MAGI1: variants seen among roughly 807,000 people sequenced by gnomAD.
The protein encoded by MAGI1 is membrane associated guanylate kinase, WW and PDZ domain containing 1, also known as membrane-associated guanylate kinase, WW and PDZ domain-containing protein 1.
A neutral mutation model predicts 139.9 loss-of-function variants in MAGI1; 58 were observed. The ratio of observed to expected loss-of-function variants is 0.41; its 90% CI spans 0.34 to 0.52. The LOEUF (loss-of-function observed/expected upper bound fraction) is 0.52. Ranked by LOEUF, MAGI1 falls within the 20% of genes least tolerant of loss-of-function variation. The pLI is 0.12. For missense variants in MAGI1, 1,874 were observed against 1,901.6 expected (o/e 0.99, Z 0.27); for synonymous variants, 812 against 737.9 (o/e 1.10, Z -1.63).
intron 1 of MAGI1, among the ~76,000 whole-genome samples, chr3:65,982,856 GGCTTA>G (rs2107287970): frequency 6.6e-6 from 1 of 152,210 alleles, no homozygotes; most frequent in Admixed American, 6.5e-5. Context: ...CACAAGTCCT[GGCTTA>G]CTTCAAAAAA....
At chr3:66,023,009 A>G (rs2068042798) in intron 1 of MAGI1, among the ~76,000 whole-genome samples, 1 of 152,294 alleles carries the variant, frequency 6.6e-6, no homozygotes, top group African/African-American at 2.4e-5. Flanking sequence ...ATCCTTGAGC[A>G]TTTTATAGTA....
At chr3:65,523,610 AT>A (rs1341455196) in intron 2 of MAGI1, among the ~76,000 whole-genome samples, 1 of 152,180 alleles carries the variant, frequency 6.6e-6, no homozygotes, top group Non-Finnish European at 1.5e-5. Flanking sequence ...AGTGTTAGAT[AT>A]TGCACAGATT....
chr3:65,725,191 A>T (rs1334799398), intron 1 of MAGI1, among the ~76,000 whole-genome samples: 1 of 152,206 alleles, frequency 6.6e-6, no homozygotes, highest in African/African-American at 2.4e-5. Context: ...ATTCAATTGA[A>T]GTAGGACAGT....
At chr3:65,759,873 A>G (rs544845636) in intron 1 of MAGI1, among the ~76,000 whole-genome samples, 2 of 152,254 alleles carry the variant, frequency 1.3e-5, no homozygotes, top group East Asian at 1.9e-4. Context: ...TAGCACTGAA[A>G]TTAAGATTCG....
intron 1 of MAGI1, among the ~76,000 whole-genome samples, chr3:66,031,472 T>C (rs1439278336): frequency 6.6e-6 from 1 of 152,190 alleles, no homozygotes; most frequent in Non-Finnish European, 1.5e-5. Flanking sequence ...GCCAACTGTA[T>C]GCCATTGCCA....
intron 2 of MAGI1, among the ~76,000 whole-genome samples, chr3:65,538,699 G>C (rs1457937230): frequency 6.6e-6 from 1 of 152,016 alleles, no homozygotes; most frequent in Non-Finnish European, 1.5e-5. Context: ...CTAACCCTCA[G>C]AGCAACATTA....
At chr3:65,463,513 A>G (rs940649258) in intron 5 of MAGI1, among the ~76,000 whole-genome samples, 1 of 150,990 alleles carries the variant, frequency 6.6e-6, no homozygotes, top group East Asian at 2.0e-4. Flanking sequence ...CCAGTATTTT[A>G]TTAAGGATTT....
At chr3:65,973,364 T>C (rs748650863) in intron 1 of MAGI1, among the ~76,000 whole-genome samples, 1 of 152,122 alleles carries the variant, frequency 6.6e-6, no homozygotes, top group African/African-American at 2.4e-5. Flanking sequence ...GTAAGGGAAG[T>C]AGAAAAAATT....
chr3:65,738,079 T>C (rs982713905), intron 1 of MAGI1, among the ~76,000 whole-genome samples: 3 of 152,194 alleles, frequency 2.0e-5, no homozygotes, highest in African/African-American at 7.2e-5. Context: ...GAGCAAAGTG[T>C]TTAAATCACA....
intron 7 of MAGI1, among the ~76,000 whole-genome samples, chr3:65,446,578 G>T (rs1326963738): frequency 2.0e-5 from 3 of 152,180 alleles, no homozygotes; most frequent in African/African-American, 7.2e-5. Flanking sequence ...TCCACTGGCT[G>T]CCAGCAGACA....
chr3:65,376,000 G>A, intron 17 of MAGI1, 55 bp from the exon 18 acceptor site: 4 of 1,359,800 alleles, frequency 2.9e-6, no homozygotes, highest in Admixed American at 1.9e-5. Flanking sequence ...TATAGCAAAG[G>A]GAAGAGAAAA....
Position 65,363,584 on chromosome 3 carries a change from G to T in MAGI1, c.3376C>A (p.Leu1126Met). 1 of 1,613,686 alleles carries T rather than the reference G, an allele frequency of 6.2e-7. No individual in the cohort carries two copies. The highest frequency in any genetic ancestry group is 8.5e-7 in the Non-Finnish European group (1 of 1,179,836). ...CCAAATCCCTTGGCTCCTCTTTCCA[G>T]TTCCACAGTGTAAAAATCTTGCTCC... Reference protein sequence around the residue: ...TQEQDFYTVELERGAKGFGFS... With the variant: ...TQEQDFYTVEMERGAKGFGFS... The change falls in exon 21 of 23, where the codon CTG becomes ATG. Residue 1126 changes from leucine to methionine, a missense_variant. Leu to Met is a conservative substitution (Grantham distance 15). Around this residue, in one of 5 missense-constraint regions of MAGI1, gnomAD observed 653 missense variants for 644.5 expected, o/e 1.01. Coordinates refer to ENST00000402939, the MANE Select transcript of MAGI1 (RefSeq NM_001033057.2).
chr3:65,617,633 C>T (rs939810681), intron 2 of MAGI1, among the ~76,000 whole-genome samples: 2 of 152,078 alleles, frequency 1.3e-5, no homozygotes, highest in African/African-American at 4.8e-5. Flanking sequence ...CGAGTACCAG[C>T]CAAGTAATTA....
At chr3:65,818,345 A>G (rs1437213588) in intron 1 of MAGI1, among the ~76,000 whole-genome samples, 3 of 152,208 alleles carry the variant, frequency 2.0e-5, no homozygotes, top group Non-Finnish European at 4.4e-5. Context: ...CCTGATAATA[A>G]ACATGGTAAG....
intron 1 of MAGI1, among the ~76,000 whole-genome samples, chr3:65,996,399 A>AC (rs1480942720): frequency 6.6e-6 from 1 of 152,020 alleles, no homozygotes; most frequent in Non-Finnish European, 1.5e-5. Flanking sequence ...TCATAATTCC[A>AC]CCCCATTCAA....
At chr3:65,517,348 G>A (rs1379200629) in intron 2 of MAGI1, among the ~76,000 whole-genome samples, 2 of 152,060 alleles carry the variant, frequency 1.3e-5, no homozygotes, top group East Asian at 1.9e-4. Context: ...ACTGTAAATC[G>A]TAAGCTCTTC....
At chr3:65,863,344 C>T (rs1367965471) in intron 1 of MAGI1, among the ~76,000 whole-genome samples, 1 of 152,186 alleles carries the variant, frequency 6.6e-6, no homozygotes, top group Admixed American at 6.5e-5. Context: ...CTGAGGACTT[C>T]TGGAGAGAGA....
chr3:65,493,748 G>T, intron 2 of MAGI1, 117 bp from the exon 3 acceptor site: 1 of 1,172,036 alleles, frequency 8.5e-7, no homozygotes, highest in Non-Finnish European at 1.2e-6. Flanking sequence ...AGACTCTGCT[G>T]CCTCATCTGT....
chr3:65,565,186 C>A (rs909960432), intron 2 of MAGI1, among the ~76,000 whole-genome samples: 15 of 152,176 alleles, frequency 9.9e-5, no homozygotes, highest in African/African-American at 3.6e-4. Flanking sequence ...AAAAAAGGTG[C>A]ATGATTTAAG....
Sources: allele counts gnomAD v4.1 joint callset (sites outside exome capture counted in the v4.1 genomes callset), GRCh38; gene constraint gnomAD v4.1.1; regional missense constraint gnomAD v4.1.1; transcripts MANE v1.5; gene names NCBI Gene and HGNC (gene_info 2026-07-23, HGNC 2026-07-21).